The following RIMS1 variants were observed in gnomAD, a reference collection of about 807,000 sequenced individuals.
The protein encoded by RIMS1 is regulating synaptic membrane exocytosis protein 1.
Under a neutral mutation model 214.1 loss-of-function variants are expected in RIMS1, and 83 were observed. The observed-to-expected ratio is 0.39, with a 90% confidence interval of 0.32 to 0.47. RIMS1 has a LOEUF of 0.47. RIMS1 is among the 20% of genes least tolerant of loss of function. RIMS1 has a pLI of 0.99. For missense variants in RIMS1, 2,050 were observed against 2,161.8 expected (o/e 0.95, Z 1.03); for synonymous variants, 793 against 786.8 (o/e 1.01, Z -0.13).
At position 72,217,340 on chromosome 6, in the gene RIMS1, G is replaced by A. The variant is rs569501313; in HGVS notation, c.1679-16433G>A. 2.5e-5 allele frequency: 27 copies of A among 1,093,072 alleles called. No homozygotes were observed. In the African/African-American group the frequency reaches 3.9e-4, roughly 16 times the overall value. The allele number at this position is 1,093,072 out of a possible 1,614,324, so 67.7% of individuals were successfully genotyped here. A position where few individuals can be genotyped will look rare whatever the true frequency, so the allele number is the denominator to read the frequency against. On this transcript the variant is annotated intron_variant, in intron 6 of 33. Transcript: ENST00000521978. Reference sequence around the variant, plus strand: ...GTAAGATACTAAAATGTTTCATTTAGATTCTATCAGTAGAGAATAAGGATG... The same window carrying A: ...GTAAGATACTAAAATGTTTCATTTAAATTCTATCAGTAGAGAATAAGGATG...
At chr6:72,110,334 G>A (rs1180148318) in intron 4 of RIMS1, among the ~76,000 whole-genome samples, 1 of 152,158 alleles carries the variant, frequency 6.6e-6, no homozygotes, top group East Asian at 1.9e-4. Flanking sequence ...CTTCCCATGA[G>A]CATGGAATGT....
At chr6:72,068,084 C>T (rs1829738519) in intron 2 of RIMS1, among the ~76,000 whole-genome samples, 1 of 152,184 alleles carries the variant, frequency 6.6e-6, no homozygotes, top group South Asian at 2.1e-4. Flanking sequence ...GCTGATGTCA[C>T]TGGTGGGCCA....
At chr6:72,197,296 C>T (rs559241116) in intron 6 of RIMS1, among the ~76,000 whole-genome samples, 4 of 152,172 alleles carry the variant, frequency 2.6e-5, no homozygotes, top group Admixed American at 1.3e-4. Context: ...ATTGGTTGCT[C>T]ATTTTAAATG....
At chr6:71,960,325 T>C (rs1307257036) in intron 1 of RIMS1, among the ~76,000 whole-genome samples, 8 of 152,076 alleles carry the variant, frequency 5.3e-5, no homozygotes, top group Admixed American at 4.6e-4. Flanking sequence ...GGCACATAAG[T>C]TAGCTGTGAG....
intron 8 of RIMS1, among the ~76,000 whole-genome samples, chr6:72,237,217 G>C (rs557131992): frequency 6.9e-6 from 1 of 145,476 alleles, no homozygotes; most frequent in East Asian, 2.0e-4. Context: ...AAAATAGAAA[G>C]AGAGAGAGAG....
chr6:72,065,560 A>G (rs114792131), intron 2 of RIMS1, among the ~76,000 whole-genome samples: 2,133 of 152,324 alleles, frequency 0.014, 57 homozygotes, highest in African/African-American at 0.047. Flanking sequence ...AAGTACATGT[A>G]AAAATAATAG....
intron 23 of RIMS1, among the ~76,000 whole-genome samples, chr6:72,281,025 G>A (rs1043603620): frequency 6.6e-6 from 1 of 152,074 alleles, no homozygotes; most frequent in African/African-American, 2.4e-5. Flanking sequence ...GAGACATTAA[G>A]TAATTTCACC....
At chr6:72,384,683 T>C (rs1255563435) in intron 29 of RIMS1, among the ~76,000 whole-genome samples, 1 of 152,210 alleles carries the variant, frequency 6.6e-6, no homozygotes, top group South Asian at 2.1e-4. Context: ...CAAGTTCTTA[T>C]ATTTACCAGC....
Position 71,978,957 on chromosome 6 carries a change from C to T in RIMS1, c.245+9894C>T, listed in dbSNP as rs142806483. The stretch of plus-strand genomic sequence containing the variant: ...ATTCATAGTTATAATTAGGAAGTGA[C>T]AGAATTTTAAAAAATTGTGTGGCTT... On this transcript the variant is annotated intron_variant, in intron 2 of 33. Transcript: ENST00000521978. Among the ~76,000 whole-genome samples, 584 of 152,196 alleles carry T rather than the reference C, an allele frequency of 3.8e-3. 3 individuals are homozygous for T. The highest frequency in any genetic ancestry group is 0.013 in the African/African-American group (554 of 41,550).
chr6:71,910,692 G>A (rs375014679), intron 1 of RIMS1, among the ~76,000 whole-genome samples: 2 of 152,274 alleles, frequency 1.3e-5, no homozygotes, highest in East Asian at 1.9e-4. Flanking sequence ...CATACGTACT[G>A]TGTGCCTCTG....
intron 9 of RIMS1, among the ~76,000 whole-genome samples, 183 bp from the exon 10 acceptor site, chr6:72,242,131 G>C (rs1370368746): frequency 6.6e-6 from 1 of 151,890 alleles, no homozygotes; most frequent in Non-Finnish European, 1.5e-5. Context: ...CAAAAGAAAA[G>C]AAAAAGTGTT....
At chr6:72,116,410 CAGAA>C (rs1412954326) in intron 4 of RIMS1, among the ~76,000 whole-genome samples, 7 of 151,932 alleles carry the variant, frequency 4.6e-5, no homozygotes, top group Non-Finnish European at 1.0e-4. Flanking sequence ...AGACCATTGT[CAGAA>C]TCCAAGAAAA....
At chr6:71,980,975 T>C (rs1015058315) in intron 2 of RIMS1, among the ~76,000 whole-genome samples, 7 of 152,114 alleles carry the variant, frequency 4.6e-5, no homozygotes, top group Non-Finnish European at 1.0e-4. Flanking sequence ...AAAGTATGCA[T>C]TTCTTTTCTG....
At chr6:72,183,196 G>A (rs751069862) in intron 6 of RIMS1, 47 bp downstream of exon 6, 14 of 1,562,288 alleles carry the variant, frequency 9.0e-6, no homozygotes, top group Admixed American at 1.9e-5. Flanking sequence ...CAAGTGAAGA[G>A]GCGTGGGCAG....
rs564919461 is a variant in RIMS1, at chr6:72,213,296, T to C, written c.1679-20477T>C. On this transcript the variant is annotated intron_variant, in intron 6 of 33. Transcript: ENST00000521978. ...CTAAATCTATATTTAACACTCCCTC[T>C]GTATCTATTTTCCAGTCAAAATATT... is the stretch of plus-strand genomic sequence containing the variant. The C allele has an allele frequency of 1.5e-5, 19 of 1,264,292 alleles. 1 individual carries two copies. The South Asian group carries it at 2.9e-4, about 19-fold the overall frequency. 78.3% of individuals were successfully genotyped at this position (1,264,292 alleles called of 1,614,324 possible).
chr6:72,064,331 AAGAG>A lies in RIMS1; in HGVS notation c.246-32601_246-32598del, dbSNP rs56373385. ...AAAACTCCATAGAAAGAAAGAAAGA[AAGAG>A]AGAGAGAGAGAGAGAGGGAAGGAAG... On this transcript the variant is annotated intron_variant, in intron 2 of 33. Transcript: ENST00000521978. 1.7e-3 allele frequency among the ~76,000 whole-genome samples: 230 copies of A among 136,988 alleles called. 1 individual carries two copies. Among genetic ancestry groups the A allele is most frequent in the African/African-American group, 5.0e-3 (188 of 37,434 alleles). 89.9% of individuals were successfully genotyped at this position (136,988 alleles called of 152,430 possible). A position where few individuals can be genotyped will look rare whatever the true frequency, so the allele number is the denominator to read the frequency against.
intron 6 of RIMS1, among the ~76,000 whole-genome samples, chr6:72,197,631 C>T (rs1418838983): frequency 1.3e-5 from 2 of 152,038 alleles, no homozygotes; most frequent in East Asian, 3.8e-4. Flanking sequence ...GGACAAAATA[C>T]AAGATTATAT....
At chr6:71,948,017 G>T (rs190164754) in intron 1 of RIMS1, among the ~76,000 whole-genome samples, 188 of 152,168 alleles carry the variant, frequency 1.2e-3, no homozygotes, top group Non-Finnish European at 1.9e-3. Context: ...AATTATAGGT[G>T]AATATATTCA....
At chr6:72,139,972 G>C (rs764731716) in intron 4 of RIMS1, among the ~76,000 whole-genome samples, 3 of 152,256 alleles carry the variant, frequency 2.0e-5, no homozygotes, top group Admixed American at 6.5e-5. Context: ...GAAGGAAACA[G>C]CAAGTTAATT....
Sources: gnomAD v4.1 joint callset for allele counts (sites outside exome capture counted in the v4.1 genomes callset) on GRCh38, gnomAD v4.1.1 for gene constraint, MANE v1.5 for transcripts, NCBI Gene and HGNC (gene_info 2026-07-23, HGNC 2026-07-21) for gene names.